Variants in STARD9 observed in about 807,000 individuals in gnomAD.
STARD9 encodes StAR related lipid transfer domain containing 9.
In STARD9, 346 loss-of-function variants were observed where a neutral mutation model predicts 399.8. The ratio of observed to expected loss-of-function variants is 0.87; its 90% confidence interval spans 0.79 to 0.95. The LOEUF (loss-of-function observed/expected upper bound fraction) is 0.95, where lower values mean the gene tolerates loss of function less well. STARD9 is among the 40% of genes least tolerant of loss of function. The pLI, the probability that STARD9 is intolerant of heterozygous loss-of-function variation, is 0.00. For synonymous variants in STARD9, 2,203 were observed against 2,143.5 expected (o/e 1.03, Z -0.77); for missense variants, 5,832 against 5,667.5 (o/e 1.03, Z -0.93).
chr15:42,656,036 C>T (rs558670205), intron 9 of STARD9, among the ~76,000 whole-genome samples: 106 of 152,052 alleles, frequency 7.0e-4, no homozygotes, highest in Non-Finnish European at 1.2e-3. Flanking sequence ...TACCACCTTA[C>T]TCCTGCAAGA....
chr15:42,575,820 G>C (rs1179256468), intron 1 of STARD9, 58 bp downstream of exon 1: 17 of 1,495,630 alleles, frequency 1.1e-5, no homozygotes, highest in Admixed American at 5.9e-5. Context: ...AGAGCGGGAG[G>C]TCCGCGTCTC....
chr15:42,580,816 A>G (rs942552938), intron 1 of STARD9, among the ~76,000 whole-genome samples: 2 of 148,970 alleles, frequency 1.3e-5, no homozygotes, highest in Non-Finnish European at 3.0e-5. Context: ...GACTTTGTCT[A>G]AAAAAAAAAC....
chr15:42,652,485 A>G lies in STARD9; in HGVS notation c.630-35A>G, dbSNP rs775067813. The G allele has an allele frequency of 1.3e-4, 205 of 1,519,844 alleles. 1 individual carries two copies. The highest frequency in any genetic ancestry group is 1.7e-4 in the Non-Finnish European group (193 of 1,131,288). 94.1% of individuals were successfully genotyped at this position (1,519,844 alleles called of 1,614,324 possible). A position where few individuals can be genotyped will look rare whatever the true frequency, so the allele number is the denominator to read the frequency against. On this transcript the variant is annotated intron_variant, in intron 8 of 32. Coordinates refer to ENST00000290607, the MANE Select transcript of STARD9 (RefSeq NM_020759.3). ...CTTAAGAATCCACCATGTGTAAACA[A>G]TCCTCGTCCTAACAGTTTTTCCTTG...
At position 42,687,615 on chromosome 15, in the gene STARD9, C is replaced by T; in HGVS notation, c.6037C>T (p.Gln2013Ter). 6.5e-7 allele frequency: 1 copy of T among 1,537,028 alleles called. No individual in the cohort carries two copies. Among genetic ancestry groups the T allele is most frequent in the Non-Finnish European group, 8.7e-7 (1 of 1,146,906 alleles). The change falls in exon 23 of 33, where the codon CAG (glutamine) becomes TAG (stop). Residue 2013 changes from glutamine to a stop codon, truncating the protein, a stop_gained. Transcript: ENST00000290607. LOFTEE classifies it high-confidence loss of function. ...YERFQLVACP[Q>*]ERNPSECKSQ... ...AAGGTTCCAGTTAGTTGCATGCCCT[C>T]AGGAAAGAAACCCCAGTGAATGCAA...
At chr15:42,606,794 G>A (rs1045554888) in intron 3 of STARD9, among the ~76,000 whole-genome samples, 1 of 151,984 alleles carries the variant, frequency 6.6e-6, no homozygotes, top group Non-Finnish European at 1.5e-5. Context: ...GTAAGTGCTT[G>A]TATACATGTA....
At chr15:42,650,873 A>G in intron 7 of STARD9, 143 bp from the exon 8 acceptor site, 1 of 517,304 alleles carries the variant, frequency 1.9e-6, no homozygotes, top group South Asian at 2.3e-5. Flanking sequence ...GATTTAATTT[A>G]TTATCTGAAT....
chr15:42,659,559 T>A (rs2059952743), intron 9 of STARD9, among the ~76,000 whole-genome samples: 1 of 152,208 alleles, frequency 6.6e-6, no homozygotes, highest in African/African-American at 2.4e-5. Flanking sequence ...GGAGTCTCAC[T>A]CTGTTGCCCA....
chr15:42,626,646 A>T (rs1400189300), intron 3 of STARD9, among the ~76,000 whole-genome samples: 1 of 149,404 alleles, frequency 6.7e-6, no homozygotes, highest in African/African-American at 2.5e-5. Flanking sequence ...GATTACAGGC[A>T]TGCGCCACCA....
At chr15:42,593,708 G>T (rs1222602147) in intron 3 of STARD9, among the ~76,000 whole-genome samples, 2 of 118,756 alleles carry the variant, frequency 1.7e-5, no homozygotes, top group African/African-American at 6.2e-5. Context: ...CTGTTGCCCA[G>T]GCTGGAGTGC....
chr15:42,676,503 A>G (rs1595751943), intron 20 of STARD9, among the ~76,000 whole-genome samples: 1 of 152,328 alleles, frequency 6.6e-6, no homozygotes, highest in East Asian at 1.9e-4. Context: ...GGCAGAAACT[A>G]TAGGAACAAT....
At chr15:42,659,421 C>G (rs1000834043) in intron 9 of STARD9, among the ~76,000 whole-genome samples, 3 of 152,192 alleles carry the variant, frequency 2.0e-5, no homozygotes, top group African/African-American at 7.2e-5. Context: ...TACTAAATAT[C>G]AGCAAGTTGT....
At position 42,692,866 on chromosome 15, in the gene STARD9, G is replaced by A. The variant is rs774990564; in HGVS notation, c.11288G>A (p.Gly3763Glu). The change falls in exon 23 of 33, where the codon GGG (glycine) becomes GAG (glutamate). Residue 3763 changes from glycine (G) to glutamate (E), a missense_variant. Around this residue, in one of 2 missense-constraint regions of STARD9, gnomAD observed 5,828 missense variants for 5,651.1 expected, o/e 1.03. Coordinates refer to ENST00000290607, the MANE Select transcript of STARD9 (RefSeq NM_020759.3). Reference sequence around the variant, plus strand: ...CAGGGAGCCAATGTGATCCTTGAAGGGCTAGGCTCAGATACCTCGACTGTG... The same window carrying A: ...CAGGGAGCCAATGTGATCCTTGAAGAGCTAGGCTCAGATACCTCGACTGTG... Reference protein sequence around the residue: ...EPQGANVILEGLGSDTSTVSQ... With the variant: ...EPQGANVILEELGSDTSTVSQ... 1.9e-5 allele frequency: 29 copies of A among 1,537,108 alleles called. No homozygotes were observed. In the South Asian group the frequency reaches 3.3e-4, roughly 18 times the overall value.
At chr15:42,593,075 C>T (rs976525948) in intron 3 of STARD9, among the ~76,000 whole-genome samples, 2 of 152,088 alleles carry the variant, frequency 1.3e-5, no homozygotes, top group Non-Finnish European at 2.9e-5. Context: ...GGCACCTCGG[C>T]GTCAAATGAG....
At chr15:42,705,359 T>C (rs1180949586) in intron 26 of STARD9, among the ~76,000 whole-genome samples, 1 of 152,200 alleles carries the variant, frequency 6.6e-6, no homozygotes, top group African/African-American at 2.4e-5. Context: ...GTTGTTCAAA[T>C]TGATGTTTCT....
Position 42,619,582 on chromosome 15 carries a change from A to G in STARD9, c.235-15274A>G, listed in dbSNP as rs578228153. ...AAAAAAAAAAATTCTCGTAAGGAAC[A>G]TGCAGCCTAGAACCCTCGCAGGCAC... On this transcript the variant is annotated intron_variant, in intron 3 of 32. Transcript: ENST00000290607. Among the ~76,000 whole-genome samples, 149 of 151,950 alleles carry G rather than the reference A, an allele frequency of 9.8e-4. 2 individuals carry two copies. Among genetic ancestry groups the G allele is most frequent in the South Asian group, 2.3e-3 (11 of 4,814 alleles).
chr15:42,592,768 A>G (rs1200761122), intron 3 of STARD9, among the ~76,000 whole-genome samples: 3 of 152,156 alleles, frequency 2.0e-5, no homozygotes, highest in African/African-American at 4.8e-5. Flanking sequence ...AAGGCAAGTC[A>G]TTATTGGTCT....
rs542780796 is a variant in STARD9 at position 42,692,003 on chromosome 15, G to A, written c.10425G>A (p.Pro3475=). The A allele has an allele frequency of 7.8e-6, 12 of 1,537,216 alleles. No individual in the cohort carries two copies. The highest frequency in any genetic ancestry group is 4.9e-5 in the East Asian group (2 of 40,918). Residue 3475 remains proline (P), a synonymous_variant, in exon 23 of 33, where the codon CCG becomes CCA. Transcript: ENST00000290607. ...DISPYALPWR[P]EEPARISWKQ... The stretch of plus-strand genomic sequence containing the variant: ...GTCCCTATGCGCTGCCGTGGCGTCC[G>A]GAGGAGCCTGCACGTATCAGCTGGA...
At chr15:42,632,376 T>C (rs182845723) in intron 3 of STARD9, among the ~76,000 whole-genome samples, 205 of 152,290 alleles carry the variant, frequency 1.3e-3, no homozygotes, top group Admixed American at 3.4e-3. Context: ...GGTCTTGTTT[T>C]TTAAATCCAT....
chr15:42,632,321 T>C (rs992173027), intron 3 of STARD9, among the ~76,000 whole-genome samples: 2 of 152,194 alleles, frequency 1.3e-5, no homozygotes, highest in Non-Finnish European at 2.9e-5. Context: ...AGTGTATATG[T>C]GTCTTTATAG....
Sources: allele counts gnomAD v4.1 joint callset (sites outside exome capture counted in the v4.1 genomes callset), GRCh38; gene constraint gnomAD v4.1.1; regional missense constraint gnomAD v4.1.1; transcripts MANE v1.5; gene names NCBI Gene and HGNC (gene_info 2026-07-23, HGNC 2026-07-21).